Variants in AFF2 observed in about 807,000 individuals in gnomAD.
The protein encoded by AFF2 is AF4/FMR2 family member 2.
AFF2 carries 14 observed loss-of-function variants against 76.9 expected under a neutral mutation model. That is an observed-to-expected ratio of 0.18 (90% CI 0.12 to 0.28). The LOEUF (loss-of-function observed/expected upper bound fraction) is 0.28, where lower values mean the gene tolerates loss of function less well. Ranked by LOEUF, AFF2 falls within the 10% of genes least tolerant of loss-of-function variation. The probability of loss-of-function intolerance (pLI) is 1.00; values close to 1 mark genes in which losing one functional copy is unlikely to be tolerated. For missense variants in AFF2, 868 were observed against 1,001.1 expected (o/e 0.87, Z 1.79); for synonymous variants, 398 against 366.7 (o/e 1.09, Z -0.98).
intron 1 of AFF2, among the ~76,000 whole-genome samples, chrX:148,645,502 C>A: frequency 8.9e-6 from 1 of 112,095 alleles, no homozygotes; most frequent in Non-Finnish European, 1.9e-5. Flanking sequence ...TTAAAGCTTT[C>A]TACCTGGGAA....
chrX:148,536,930 A>G (rs1430427469), intron 1 of AFF2, among the ~76,000 whole-genome samples: 2 of 112,231 alleles, frequency 1.8e-5, no homozygotes, highest in African/African-American at 6.5e-5. Context: ...AACTGAAACT[A>G]TTTTTCCCCA....
chrX:148,958,529 C>G (rs2072070092), intron 12 of AFF2, 71 bp downstream of exon 12: 2 of 1,137,314 alleles, frequency 1.8e-6, no homozygotes, highest in African/African-American at 3.6e-5. Context: ...CTAATTGAAC[C>G]TGTTTGGGGG....
intron 8 of AFF2, among the ~76,000 whole-genome samples, chrX:148,897,851 A>G (rs1569556792): frequency 9.0e-6 from 1 of 110,838 alleles, no homozygotes; most frequent in Non-Finnish European, 1.9e-5. Context: ...ACCAAGTGCC[A>G]CTTACATTGG....
intron 3 of AFF2, among the ~76,000 whole-genome samples, chrX:148,794,792 T>C (rs782729050): frequency 1.4e-4 from 16 of 111,042 alleles, no homozygotes; most frequent in Non-Finnish European, 3.0e-4. Flanking sequence ...TTCATGGCAG[T>C]TTATCAAATT....
intron 1 of AFF2, among the ~76,000 whole-genome samples, chrX:148,509,395 G>A (rs1315361257): frequency 6.3e-5 from 7 of 111,693 alleles, no homozygotes; most frequent in Admixed American, 2.8e-4. Flanking sequence ...TATCTGGTTT[G>A]ACAGTAGCTC....
At chrX:148,908,483 G>T (rs1020703925) in intron 9 of AFF2, among the ~76,000 whole-genome samples, 1 of 112,092 alleles carries the variant, frequency 8.9e-6, no homozygotes, top group East Asian at 2.8e-4. Context: ...CTGACTTCCC[G>T]CAACACAGTC....
rs1569552762 is a variant in AFF2, at chrX:148,662,592, G to A, written c.865G>A (p.Val289Ile). 7 of 1,211,373 alleles carry A rather than the reference G, an allele frequency of 5.8e-6. No individual in the cohort carries two copies. The highest frequency in any genetic ancestry group is 1.7e-5 in the African/African-American group (1 of 57,624). Residue 289 changes from valine (V) to isoleucine (I), a missense_variant, in exon 3 of 21, where the codon GTC becomes ATC. This residue lies in a region of AFF2 where 4 missense variants were observed against 19.8 expected (regional missense o/e 0.20). Transcript: ENST00000370460. ...GGGGCAGCAAAAGCCAACTGCATACGTCAGACCCATGGATGGCCAGGACCA... is the reference window on the plus strand; with the variant it reads ...GGGGCAGCAAAAGCCAACTGCATACATCAGACCCATGGATGGCCAGGACCA... The part of the protein sequence containing the change: ...SMGQQKPTAY[V>I]RPMDGQDQAP...
intron 9 of AFF2, among the ~76,000 whole-genome samples, chrX:148,910,051 AAGAG>A (rs1199551153): frequency 1.8e-5 from 2 of 112,681 alleles, no homozygotes; most frequent in African/African-American, 6.4e-5. Context: ...CTGTTACCAA[AAGAG>A]AGAGAGAAAG....
intron 1 of AFF2, among the ~76,000 whole-genome samples, chrX:148,552,471 G>A (rs1399932327): frequency 2.7e-5 from 3 of 111,816 alleles, no homozygotes; most frequent in Non-Finnish European, 5.6e-5. Flanking sequence ...TCATACCTGG[G>A]GTTCTATCCA....
At chrX:148,628,342 A>G (rs1557252400) in intron 1 of AFF2, among the ~76,000 whole-genome samples, 1 of 111,558 alleles carries the variant, frequency 9.0e-6, no homozygotes, top group African/African-American at 3.3e-5. Flanking sequence ...GGAAATGATC[A>G]ACAATGTCAA....
Position 148,956,400 on chromosome X carries a change from A to G in AFF2, c.2355A>G (p.Gln785=), listed in dbSNP as rs1410031331. 6 of 1,211,404 alleles carry G rather than the reference A, an allele frequency of 5.0e-6. No homozygotes were observed. Among genetic ancestry groups the G allele is most frequent in the Non-Finnish European group, 5.6e-6 (5 of 895,320 alleles). ...CATTTTCACCTATTCCTGTCATGCA[A>G]ACTGAAATCCTGTCCCCTCTGCGAG... is the stretch of plus-strand genomic sequence containing the variant. ...EPTFSPIPVM[Q]TEILSPLRDH... is the part of the protein sequence containing the mutation. Residue 785 remains glutamine (Q), a synonymous_variant, in exon 11 of 21, where the codon CAA becomes CAG. Transcript: ENST00000370460.
intron 1 of AFF2, among the ~76,000 whole-genome samples, chrX:148,569,443 A>G (rs1473373087): frequency 1.8e-5 from 2 of 111,310 alleles, no homozygotes; most frequent in African/African-American, 3.3e-5. Flanking sequence ...AAACATCTCT[A>G]AAAAACAAAA....
intron 3 of AFF2, among the ~76,000 whole-genome samples, chrX:148,666,961 A>G (rs1004418073): frequency 6.2e-5 from 7 of 112,539 alleles, no homozygotes; most frequent in Admixed American, 3.8e-4. Flanking sequence ...TCACATGCAC[A>G]TGAAAGGATT....
chrX:148,955,536 A>G, intron 10 of AFF2, 67 bp from the exon 11 acceptor site: 1 of 1,107,722 alleles, frequency 9.0e-7, no homozygotes, highest in East Asian at 3.0e-5. Flanking sequence ...TAGTCTCTGT[A>G]CTCAGGGTTC....
In AFF2 at chrX:148,924,079, A is replaced by G. The variant is rs782121660; in HGVS notation, c.1397+19821A>G. On this transcript the variant is annotated intron_variant, in intron 9 of 20. Coordinates refer to ENST00000370460, the MANE Select transcript of AFF2 (RefSeq NM_002025.4). ...AGCTCTATTTAAATCAATAATAACA[A>G]TGGAAATGATCACCAGATTTTTAAT... Among the ~76,000 whole-genome samples the G allele has an allele frequency of 6.2e-5, 7 of 112,245 alleles. No individual in the cohort carries two copies. In the East Asian group the frequency reaches 2.0e-3, roughly 31 times the overall value.
At position 148,885,110 on chromosome X, in the gene AFF2, C is replaced by A. The variant is rs1038839128; in HGVS notation, c.1263-779C>A. Among the ~76,000 whole-genome samples, 4 of 111,714 alleles carry A rather than the reference C, an allele frequency of 3.6e-5. No homozygotes were observed. The Admixed American group carries it at 3.8e-4, about 11-fold the overall frequency. On this transcript the variant is annotated intron_variant, in intron 7 of 20. Coordinates refer to ENST00000370460, the MANE Select transcript of AFF2 (RefSeq NM_002025.4). Reference sequence around the variant, plus strand: ...AATTTTAAGATAATAAGCTATTCGTCCTGCTGTAGCTCACACTTGGAGAGG... The same window carrying A: ...AATTTTAAGATAATAAGCTATTCGTACTGCTGTAGCTCACACTTGGAGAGG...
At chrX:148,749,111 T>C (rs1401124795) in intron 3 of AFF2, among the ~76,000 whole-genome samples, 1 of 111,941 alleles carries the variant, frequency 8.9e-6, no homozygotes, top group Non-Finnish European at 1.9e-5. Context: ...CCCCAGTACA[T>C]AGTTTAGTTA....
At chrX:148,671,429 G>T (rs1236520241) in intron 3 of AFF2, among the ~76,000 whole-genome samples, 1 of 111,899 alleles carries the variant, frequency 8.9e-6, no homozygotes, top group African/African-American at 3.2e-5. Context: ...CTTCTGGCCT[G>T]AACTTTGTTT....
intron 1 of AFF2, among the ~76,000 whole-genome samples, chrX:148,592,221 G>A (rs1160698473): frequency 8.9e-6 from 1 of 111,795 alleles, no homozygotes; most frequent in African/African-American, 3.3e-5. Flanking sequence ...AGAGCTTATA[G>A]TTATATGAAC....
Sources: gnomAD v4.1 joint callset for allele counts (sites outside exome capture counted in the v4.1 genomes callset) on GRCh38, gnomAD v4.1.1 for gene constraint, gnomAD v4.1.1 regional missense constraint, MANE v1.5 for transcripts, NCBI Gene and HGNC (gene_info 2026-07-23, HGNC 2026-07-21) for gene names.